NDUFB6: variants seen among roughly 807,000 people sequenced by gnomAD.
NDUFB6 encodes NADH:ubiquinone oxidoreductase subunit B6, also known as NADH dehydrogenase [ubiquinone] 1 beta subcomplex subunit 6.
NDUFB6 carries 23 observed loss-of-function variants against 17.5 expected under a neutral mutation model. The ratio of observed to expected loss-of-function variants is 1.31; its 90% CI spans 0.94 to 1.86. NDUFB6 has a LOEUF of 1.86. Ranked by LOEUF, NDUFB6 falls within the 40% of genes most tolerant of loss-of-function variation. The pLI is 0.00. For synonymous variants in NDUFB6, 60 were observed against 53.5 expected (o/e 1.12, Z -0.53); for missense variants, 167 against 153.8 (o/e 1.09, Z -0.46).
At chr9:32,560,869 AT>A (rs1713911957) in intron 2 of NDUFB6, among the ~76,000 whole-genome samples, 1 of 152,180 alleles carries the variant, frequency 6.6e-6, no homozygotes, top group South Asian at 2.1e-4. Flanking sequence ...TAGGAAAAAA[AT>A]ATGTTTTTAT....
At chr9:32,566,431 T>C (rs1821791213) in intron 2 of NDUFB6, 8 of 838,328 alleles carry the variant, frequency 9.5e-6, no homozygotes, top group African/African-American at 1.7e-5. Context: ...CCTGTTACTG[T>C]AGGGGTTGAT....
At chr9:32,556,587 G>C (rs932087247) in intron 3 of NDUFB6, among the ~76,000 whole-genome samples, 2 of 152,138 alleles carry the variant, frequency 1.3e-5, no homozygotes, top group African/African-American at 2.4e-5. Flanking sequence ...ACAGAAACAA[G>C]AAAGAACCAC....
chr9:32,557,668 G>A (rs966572324), intron 3 of NDUFB6, among the ~76,000 whole-genome samples: 6 of 151,586 alleles, frequency 4.0e-5, no homozygotes, highest in Admixed American at 2.0e-4. Context: ...TAGTAGAGAC[G>A]GGGTTTCACC....
At chr9:32,563,491 C>CTT (rs111646430) in intron 2 of NDUFB6, among the ~76,000 whole-genome samples, 4 of 92,006 alleles carry the variant, frequency 4.3e-5, no homozygotes, top group African/African-American at 8.9e-5. Context: ...GACTATTGGG[C>CTT]TTTTTTTTTT....
At position 32,553,549 on chromosome 9, in the gene NDUFB6, A is replaced by G. The variant is rs1042707626; in HGVS notation, c.*327T>C. Reference sequence around the variant, plus strand: ...GCTGTTCTTACATTTGTTTATTGTGATATTTCACTGTTGCATACCCTGATA... The same window carrying G: ...GCTGTTCTTACATTTGTTTATTGTGGTATTTCACTGTTGCATACCCTGATA... On this transcript the variant is annotated 3_prime_UTR_variant, in exon 4 of 4. Coordinates refer to ENST00000379847, the MANE Select transcript of NDUFB6 (RefSeq NM_002493.5). 2 of 224,314 alleles carry G rather than the reference A, an allele frequency of 8.9e-6. No individual in the cohort carries two copies. Among genetic ancestry groups the G allele is most frequent in the African/African-American group, 4.7e-5 (2 of 42,890 alleles). The allele number at this position is 224,314 out of a possible 1,614,324, so 13.9% of individuals were successfully genotyped here. A position where few individuals can be genotyped will look rare whatever the true frequency, so the allele number is the denominator to read the frequency against.
rs1587654470 is a variant in NDUFB6 at position 32,573,139 on chromosome 9, G to C, written c.-79C>G. On this transcript the variant is annotated 5_prime_UTR_variant, in exon 1 of 4. Coordinates refer to ENST00000379847, the MANE Select transcript of NDUFB6 (RefSeq NM_002493.5). ...AGTTACTTAAGCGCGCTCCCGCTCT[G>C]CAAAGCGACCTTGCGGGAACGCCGA... 1.4e-6 allele frequency: 2 copies of C among 1,402,236 alleles called. No individual in the cohort carries two copies. The highest frequency in any genetic ancestry group is 2.6e-5 in the East Asian group (1 of 38,018). The allele number at this position is 1,402,236 out of a possible 1,614,324, so 86.9% of individuals were successfully genotyped here.
chr9:32,559,485 G>A (rs901443823), intron 2 of NDUFB6, among the ~76,000 whole-genome samples: 3 of 152,126 alleles, frequency 2.0e-5, no homozygotes, highest in Admixed American at 1.3e-4. Context: ...ATAATTCTTA[G>A]AGAAAAAGCC....
intron 3 of NDUFB6, among the ~76,000 whole-genome samples, chr9:32,556,136 A>G (rs766583710): frequency 4.6e-5 from 7 of 152,190 alleles, no homozygotes; most frequent in South Asian, 4.1e-4. Flanking sequence ...CCCTAAGGAG[A>G]GAGACTAAGT....
intron 2 of NDUFB6, chr9:32,566,967 G>A (rs541684848): frequency 4.7e-5 from 24 of 515,690 alleles, no homozygotes; most frequent in South Asian, 2.6e-4. Flanking sequence ...GCTCGGCATC[G>A]TCGAGGACGC....
At chr9:32,564,849 T>C (rs1254720368) in intron 2 of NDUFB6, among the ~76,000 whole-genome samples, 4 of 152,224 alleles carry the variant, frequency 2.6e-5, no homozygotes, top group African/African-American at 9.6e-5. Flanking sequence ...CAACATCCTT[T>C]TGCACTATGT....
intron 2 of NDUFB6, among the ~76,000 whole-genome samples, chr9:32,562,413 A>T (rs13301134): frequency 0.1 from 15,753 of 152,232 alleles, 1,043 homozygotes; most frequent in Middle Eastern, 0.28. Flanking sequence ...AATCAAAGAG[A>T]GTAAGTTATG....
chr9:32,560,678 G>C (rs1209129485), intron 2 of NDUFB6, among the ~76,000 whole-genome samples: 3 of 151,996 alleles, frequency 2.0e-5, no homozygotes, highest in African/African-American at 7.2e-5. Flanking sequence ...AAATAAAATT[G>C]AACACACAAA....
intron 2 of NDUFB6, among the ~76,000 whole-genome samples, chr9:32,562,938 A>C (rs1416599085): frequency 6.6e-6 from 1 of 152,234 alleles, no homozygotes; most frequent in African/African-American, 2.4e-5. Context: ...TAGTTGGCAT[A>C]TCTCTTTATT....
intron 3 of NDUFB6, among the ~76,000 whole-genome samples, chr9:32,557,769 G>A (rs1024878426): frequency 3.6e-4 from 55 of 152,102 alleles, no homozygotes; most frequent in Non-Finnish European, 3.7e-4. Flanking sequence ...GAGCCACCGC[G>A]CCTGGCCCCT....
At chr9:32,568,921 T>C (rs996501143) in intron 2 of NDUFB6, among the ~76,000 whole-genome samples, 1 of 151,286 alleles carries the variant, frequency 6.6e-6, no homozygotes, top group African/African-American at 2.4e-5. Context: ...CAGCTAATTT[T>C]TGTATTTTTA....
intron 2 of NDUFB6, among the ~76,000 whole-genome samples, chr9:32,570,454 C>A (rs1203020092): frequency 1.3e-5 from 2 of 152,196 alleles, no homozygotes; most frequent in Non-Finnish European, 2.9e-5. Flanking sequence ...AATACCACAA[C>A]TGGCTCAGTT....
chr9:32,566,800 C>T (rs1037867801), intron 2 of NDUFB6: 6 of 897,206 alleles, frequency 6.7e-6, no homozygotes, highest in Admixed American at 1.8e-5. Context: ...TACAGGAGGT[C>T]GGCCAGCAGT....
chr9:32,556,796 C>T (rs996884982), intron 3 of NDUFB6, among the ~76,000 whole-genome samples: 5 of 150,058 alleles, frequency 3.3e-5, no homozygotes, highest in African/African-American at 1.2e-4. Flanking sequence ...ACTACCTAGG[C>T]TGTAACACAC....
Position 32,558,928 on chromosome 9 carries a change from C to A in NDUFB6, c.300G>T (p.Lys100Asn). The A allele has an allele frequency of 2.5e-6, 4 of 1,584,738 alleles. No homozygotes were observed. Among genetic ancestry groups the A allele is most frequent in the Non-Finnish European group, 3.5e-6 (4 of 1,156,438 alleles). Residue 100 changes from lysine to asparagine, a missense_variant, in exon 3 of 4, where the codon AAG becomes AAT. By Grantham distance (94) the Lys-to-Asn change is moderately conservative. Coordinates refer to ENST00000379847, the MANE Select transcript of NDUFB6 (RefSeq NM_002493.5). Reference protein sequence around the residue: ...VSEKPYGIVEKKSRIFPGDTI... With the variant: ...VSEKPYGIVENKSRIFPGDTI... ...GACTTACAGGGAATATTCTGGACTT[C>A]TTTTCAACTATGCCATATGGTTTTT...
Sources: allele counts gnomAD v4.1 joint callset (sites outside exome capture counted in the v4.1 genomes callset), GRCh38; gene constraint gnomAD v4.1.1; transcripts MANE v1.5; gene names NCBI Gene and HGNC (gene_info 2026-07-23, HGNC 2026-07-21).